Variants in SEMA3A observed in about 807,000 individuals in gnomAD.
SEMA3A encodes semaphorin 3A.
Under a neutral mutation model 97.9 loss-of-function variants are expected in SEMA3A, and 29 were observed. That is an observed-to-expected ratio of 0.30 (90% confidence interval 0.22 to 0.40). SEMA3A has a LOEUF of 0.40. Among genes scored for constraint, SEMA3A ranks in the 10% least tolerant of loss-of-function variants. SEMA3A has a pLI of 1.00. For synonymous variants in SEMA3A, 321 were observed against 323.7 expected (o/e 0.99, Z 0.09); for missense variants, 763 against 951.3 (o/e 0.80, Z 2.60).
At chr7:84,319,820 A>G (rs2115903503) in intron 2 of SEMA3A, among the ~76,000 whole-genome samples, 1 of 152,296 alleles carries the variant, frequency 6.6e-6, no homozygotes, top group African/African-American at 2.4e-5. Context: ...AATGAAAAGC[A>G]CATGTATTGC....
At chr7:84,418,715 G>C (rs895080397) in intron 1 of SEMA3A, among the ~76,000 whole-genome samples, 44 of 152,002 alleles carry the variant, frequency 2.9e-4, no homozygotes, top group African/African-American at 1.0e-3. Context: ...CCTCCGGGGG[G>C]CTCTTGAGCC....
chr7:84,064,930 T>A (rs1411412546), intron 4 of SEMA3A, among the ~76,000 whole-genome samples: 2 of 152,238 alleles, frequency 1.3e-5, no homozygotes, highest in South Asian at 2.1e-4. Flanking sequence ...CTAATAGACA[T>A]CTACAGAACT....
chr7:84,255,730 A>T (rs1421298154), intron 3 of SEMA3A, among the ~76,000 whole-genome samples: 1 of 152,076 alleles, frequency 6.6e-6, no homozygotes, highest in East Asian at 1.9e-4. Flanking sequence ...GTAATGAGAA[A>T]AATGGCATAT....
intron 4 of SEMA3A, among the ~76,000 whole-genome samples, chr7:84,062,852 C>T (rs1289595578): frequency 5.0e-5 from 5 of 100,286 alleles, no homozygotes; most frequent in African/African-American, 2.6e-4. Context: ...GAGGGGCGTC[C>T]GCCATTGCCA....
intron 1 of SEMA3A, among the ~76,000 whole-genome samples, chr7:84,490,649 T>C (rs1231373265): frequency 1.3e-5 from 2 of 152,194 alleles, no homozygotes; most frequent in Non-Finnish European, 2.9e-5. Flanking sequence ...GCAACCACAA[T>C]GCATTAAAAA....
chr7:84,208,223 G>C (rs1986250), intron 3 of SEMA3A, among the ~76,000 whole-genome samples: 39,367 of 151,932 alleles, frequency 0.26, 6,087 homozygotes, highest in Non-Finnish European at 0.36. Context: ...GAGGCCAAGG[G>C]GGGCAGATCG....
intron 4 of SEMA3A, among the ~76,000 whole-genome samples, chr7:84,071,060 A>G (rs1050847219): frequency 2.0e-5 from 3 of 152,050 alleles, no homozygotes; most frequent in African/African-American, 7.2e-5. Context: ...TTTATCCATA[A>G]TTTACTTTTC....
intron 3 of SEMA3A, among the ~76,000 whole-genome samples, chr7:84,119,222 T>C (rs199768295): frequency 1.3e-5 from 2 of 152,280 alleles, no homozygotes; most frequent in East Asian, 3.9e-4. Flanking sequence ...CATGCACACA[T>C]GTATGCATAC....
In SEMA3A at chr7:83,977,076, AT is replaced by A. The variant is rs2116304712; in HGVS notation, c.1717+55del. 9.9e-6 allele frequency: 10 copies of A among 1,013,916 alleles called. No individual in the cohort carries two copies. The South Asian group carries it at 1.9e-4, about 19-fold the overall frequency. 62.8% of individuals were successfully genotyped at this position (1,013,916 alleles called of 1,614,324 possible). ...ATTGCATGCATATGCATGAATATGC[AT>A]TATTATGATTTTAGCCTGGTCTTAG... On this transcript the variant is annotated intron_variant, in intron 15 of 16. Coordinates refer to ENST00000265362, the MANE Select transcript of SEMA3A (RefSeq NM_006080.3).
rs544884433 is a variant in SEMA3A at position 84,237,666 on chromosome 7, A to G, written c.-82-42998T>C. On this transcript the variant is annotated intron_variant, in intron 3 of 3. Transcript: ENST00000424555. ...ACCAAATAACTTCTTAACATGAATC[A>G]CCCAGCAAAGGGTGATTCATGAAAT... Among the ~76,000 whole-genome samples the G allele has an allele frequency of 1.1e-4, 16 of 152,142 alleles. No homozygotes were observed. The East Asian group carries it at 2.5e-3, about 24-fold the overall frequency.
intron 1 of SEMA3A, among the ~76,000 whole-genome samples, chr7:84,379,613 C>T (rs1297853806): frequency 6.6e-6 from 1 of 151,792 alleles, no homozygotes; most frequent in Non-Finnish European, 1.5e-5. Context: ...AGGAAGTGAT[C>T]AGGTTTTGAA....
intron 1 of SEMA3A, among the ~76,000 whole-genome samples, chr7:84,476,965 CTT>C (rs1455212027): frequency 4.0e-5 from 6 of 151,186 alleles, no homozygotes; most frequent in Non-Finnish European, 7.4e-5. Flanking sequence ...TTTTATAACA[CTT>C]AACACTTGTG....
intron 3 of SEMA3A, among the ~76,000 whole-genome samples, chr7:84,128,767 C>T (rs946470442): frequency 6.6e-6 from 1 of 152,094 alleles, no homozygotes; most frequent in African/African-American, 2.4e-5. Context: ...ATCTGCAATC[C>T]TCCAAAATCT....
At chr7:83,962,520 CATATT>C (rs982916951) in intron 16 of SEMA3A, among the ~76,000 whole-genome samples, 2 of 152,094 alleles carry the variant, frequency 1.3e-5, no homozygotes, top group African/African-American at 4.8e-5. Flanking sequence ...CCTTTAACAT[CATATT>C]ATGTTTGTAA....
intron 14 of SEMA3A, among the ~76,000 whole-genome samples, chr7:83,980,275 T>A (rs1211256128): frequency 6.6e-6 from 1 of 152,016 alleles, no homozygotes; most frequent in Non-Finnish European, 1.5e-5. Flanking sequence ...AAAAATACTT[T>A]TAAGTATTAT....
intron 2 of SEMA3A, among the ~76,000 whole-genome samples, chr7:84,366,525 C>T (rs1403914472): frequency 6.6e-6 from 1 of 151,440 alleles, no homozygotes; most frequent in African/African-American, 2.4e-5. Flanking sequence ...AAGCAAACCA[C>T]TGTAGTGGAA....
chr7:84,107,650 C>T (rs1232913910), intron 4 of SEMA3A, among the ~76,000 whole-genome samples: 1 of 152,106 alleles, frequency 6.6e-6, no homozygotes, highest in Non-Finnish European at 1.5e-5. Context: ...TGGTAAATGG[C>T]CTGGCTCCAG....
At chr7:84,001,832 G>T in intron 12 of SEMA3A, 123 bp downstream of exon 12, 1 of 477,698 alleles carries the variant, frequency 2.1e-6, no homozygotes, top group East Asian at 3.3e-5. Context: ...CTTTCTAATT[G>T]ACAAGCTAAT....
chr7:84,226,469 A>G (rs1324612440), intron 3 of SEMA3A, among the ~76,000 whole-genome samples: 1 of 152,116 alleles, frequency 6.6e-6, no homozygotes, highest in Non-Finnish European at 1.5e-5. Flanking sequence ...ATAGCAAACA[A>G]GAATAAGTGT....
Sources: allele counts gnomAD v4.1 joint callset (sites outside exome capture counted in the v4.1 genomes callset), GRCh38; gene constraint gnomAD v4.1.1; transcripts MANE v1.5; gene names NCBI Gene and HGNC (gene_info 2026-07-23, HGNC 2026-07-21).